The following RALGPS1 variants were observed in gnomAD, a reference collection of about 807,000 sequenced individuals.
The protein encoded by RALGPS1 is Ral GEF with PH domain and SH3 binding motif 1, also known as ras-specific guanine nucleotide-releasing factor RalGPS1.
In RALGPS1, 19 loss-of-function variants were observed where a neutral mutation model predicts 78.8. The ratio of observed to expected loss-of-function variants is 0.24; its 90% CI spans 0.17 to 0.35. The LOEUF is 0.35. Ranked by LOEUF, RALGPS1 falls within the 10% of genes least tolerant of loss-of-function variation. The probability of loss-of-function intolerance (pLI) is 1.00; values close to 1 mark genes in which losing one functional copy is unlikely to be tolerated. For missense variants in RALGPS1, 454 were observed against 688.3 expected, an observed-to-expected ratio of 0.66 and a Z score of 3.81; for synonymous variants, 228 against 256.3, an observed-to-expected ratio of 0.89 and a Z score of 1.06.
At chr9:127,179,089 G>A (rs1488757354) in intron 11 of RALGPS1, among the ~76,000 whole-genome samples, 4 of 152,176 alleles carry the variant, frequency 2.6e-5, no homozygotes, top group Admixed American at 1.3e-4. Context: ...CTGCTGACTC[G>A]GCACAGCCTT....
intron 3 of RALGPS1, 119 bp from the exon 4 acceptor site, chr9:126,977,576 G>GT (rs1381434916): frequency 2.3e-5 from 14 of 598,106 alleles, no homozygotes; most frequent in African/African-American, 1.2e-4. Context: ...ATTTGGTCTT[G>GT]TTTTTTATCT....
chr9:127,183,011 T>C lies in RALGPS1; in HGVS notation c.910+8229T>C, dbSNP rs1245394829. On this transcript the variant is annotated intron_variant, in intron 11 of 18. Transcript: ENST00000259351. The surrounding 1 kb of genome is among the most constrained non-coding windows in gnomAD (Gnocchi z 4.0). ...GTGAAGGATGAACAAGCATGTCACATGGTGAGAGCAGAAGCAAGAGATTCA... is the reference window on the plus strand; with the variant it reads ...GTGAAGGATGAACAAGCATGTCACACGGTGAGAGCAGAAGCAAGAGATTCA... 2.6e-5 allele frequency among the ~76,000 whole-genome samples: 4 copies of C among 152,080 alleles called. No homozygotes were observed. The highest frequency in any genetic ancestry group is 5.9e-5 in the Non-Finnish European group (4 of 68,016).
intron 8 of RALGPS1, among the ~76,000 whole-genome samples, chr9:127,151,744 A>G (rs759526498): frequency 6.6e-6 from 1 of 152,232 alleles, no homozygotes; most frequent in Non-Finnish European, 1.5e-5. Flanking sequence ...TAATAAACTC[A>G]GAATGTATCT....
At chr9:127,159,428 A>G (rs1303854365) in intron 8 of RALGPS1, among the ~76,000 whole-genome samples, 2 of 152,140 alleles carry the variant, frequency 1.3e-5, no homozygotes, top group African/African-American at 2.4e-5. Context: ...CCACAACCCC[A>G]AGTCATACAC....
At chr9:126,921,630 C>T (rs10819252) in intron 1 of RALGPS1, among the ~76,000 whole-genome samples, 26,358 of 152,222 alleles carry the variant, frequency 0.17, 2,998 homozygotes, top group East Asian at 0.44. Flanking sequence ...GCTTAAAACA[C>T]GGACTCTGGA....
At chr9:127,184,311 C>A (rs1260894340) in intron 11 of RALGPS1, 1 of 373,546 alleles carries the variant, frequency 2.7e-6, no homozygotes, top group Non-Finnish European at 5.0e-6. Context: ...CAGAGCAAGA[C>A]CTTGTCTCAG....
chr9:127,195,112 C>A lies in RALGPS1; in HGVS notation c.932C>A (p.Ser311Tyr). The A allele has an allele frequency of 6.2e-7, 1 of 1,613,528 alleles. No homozygotes were observed. Among genetic ancestry groups the A allele is most frequent in the South Asian group, 1.1e-5 (1 of 91,064 alleles). Reference protein sequence around the residue: ...DLAGPSAGSGSARFSRRPTCP... With the variant: ...DLAGPSAGSGYARFSRRPTCP... The stretch of plus-strand genomic sequence containing the variant: ...GCAGGTCCCTCTGCTGGCTCCGGTT[C>A]TGCGAGGTTCAGCCGGAGGCCCACC... The change falls in exon 12 of 19, where the codon TCT becomes TAT. Residue 311 changes from serine to tyrosine, a missense_variant. Coordinates refer to ENST00000259351, the MANE Select transcript of RALGPS1 (RefSeq NM_014636.3).
At chr9:126,939,728 G>T (rs1329472636) in intron 1 of RALGPS1, among the ~76,000 whole-genome samples, 1 of 152,238 alleles carries the variant, frequency 6.6e-6, no homozygotes, top group African/African-American at 2.4e-5. Context: ...CAGACATAGA[G>T]GGTGAATGGG....
chr9:127,135,614 A>G (rs1243546825), intron 8 of RALGPS1, among the ~76,000 whole-genome samples: 2 of 152,212 alleles, frequency 1.3e-5, no homozygotes, highest in East Asian at 3.9e-4. Context: ...TGAGGGAACC[A>G]GACTAGGGGC....
chr9:127,035,545 C>T (rs2046791444), intron 5 of RALGPS1, among the ~76,000 whole-genome samples: 1 of 152,138 alleles, frequency 6.6e-6, no homozygotes, highest in African/African-American at 2.4e-5. Context: ...ATGACTGGCC[C>T]TCTGGGTGAT....
chr9:127,013,827 C>A (rs1193860228), intron 4 of RALGPS1, among the ~76,000 whole-genome samples: 2 of 152,214 alleles, frequency 1.3e-5, no homozygotes, highest in Admixed American at 6.5e-5. Flanking sequence ...GGCCTTCCCA[C>A]AGGTCCTTGA....
At chr9:126,949,910 A>T (rs1220424455) in intron 1 of RALGPS1, among the ~76,000 whole-genome samples, 3 of 152,168 alleles carry the variant, frequency 2.0e-5, no homozygotes, top group African/African-American at 7.2e-5. Context: ...CTGAATGGTA[A>T]TGCCTAGGTT....
intron 10 of RALGPS1, 147 bp from the exon 11 acceptor site, chr9:127,174,568 G>A: frequency 1.4e-6 from 1 of 720,448 alleles, no homozygotes; most frequent in South Asian, 1.6e-5. Context: ...GAAACCCCCG[G>A]AGACCTCAGA....
chr9:127,026,569 A>G (rs146955747), intron 4 of RALGPS1, among the ~76,000 whole-genome samples: 66 of 151,530 alleles, frequency 4.4e-4, no homozygotes, highest in African/African-American at 1.5e-3. Flanking sequence ...AGTCTGTTGC[A>G]TTTCCTTTTC....
At chr9:127,173,783 C>T (rs1255342509) in intron 10 of RALGPS1, among the ~76,000 whole-genome samples, 1 of 152,088 alleles carries the variant, frequency 6.6e-6, no homozygotes, top group African/African-American at 2.4e-5. Flanking sequence ...GAGGCCAAAG[C>T]GGGCTGGTCA....
intron 5 of RALGPS1, among the ~76,000 whole-genome samples, chr9:127,038,318 C>T (rs192498457): frequency 5.3e-5 from 8 of 152,356 alleles, no homozygotes; most frequent in African/African-American, 1.9e-4. Flanking sequence ...ACACTCATTT[C>T]ATGGATAAAG....
At chr9:127,163,823 T>C (rs935061611) in intron 8 of RALGPS1, among the ~76,000 whole-genome samples, 2 of 152,220 alleles carry the variant, frequency 1.3e-5, no homozygotes, top group Non-Finnish European at 2.9e-5. Context: ...CCCTCACAAC[T>C]TTTATATAAT....
intron 4 of RALGPS1, among the ~76,000 whole-genome samples, chr9:127,011,121 G>A (rs2133895248): frequency 6.6e-6 from 1 of 152,196 alleles, no homozygotes; most frequent in East Asian, 1.9e-4. Context: ...GAGGGGGTTT[G>A]CCCTGGCGGC....
chr9:126,988,056 A>T (rs1384295784), intron 4 of RALGPS1, among the ~76,000 whole-genome samples: 5 of 152,230 alleles, frequency 3.3e-5, no homozygotes, highest in Non-Finnish European at 7.3e-5. Context: ...GGAGTCTGTC[A>T]TGACGGGAGA....
Sources: gnomAD v4.1 joint callset for allele counts (sites outside exome capture counted in the v4.1 genomes callset) on GRCh38, gnomAD v4.1.1 for gene constraint, Gnocchi (gnomAD v3.1) non-coding constraint, MANE v1.5 for transcripts, NCBI Gene and HGNC (gene_info 2026-07-23, HGNC 2026-07-21) for gene names.